The following GALK2 variants were observed in gnomAD, a reference collection of about 807,000 sequenced individuals.
GALK2 encodes N-acetylgalactosamine kinase.
In GALK2, 36 loss-of-function variants were observed where a neutral mutation model predicts 52.4. The ratio of observed to expected loss-of-function variants is 0.69; its 90% CI spans 0.53 to 0.91. GALK2 has a LOEUF of 0.91. Among genes scored for constraint, GALK2 ranks in the 40% least tolerant of loss-of-function variants. GALK2 has a pLI of 0.00. For synonymous variants in GALK2, 176 were observed against 199.1 expected (o/e 0.88, Z 0.98); for missense variants, 579 against 559.1 (o/e 1.04, Z -0.36).
At chr15:49,341,617 A>G (rs2040742793) in intron 3 of GALK2, among the ~76,000 whole-genome samples, 1 of 152,138 alleles carries the variant, frequency 6.6e-6, no homozygotes, top group Non-Finnish European at 1.5e-5. Flanking sequence ...CTCCCAAAGT[A>G]CTGGGATTAC....
chr15:49,287,499 TCTA>T (rs143405811), intron 7 of GALK2, among the ~76,000 whole-genome samples: 9,156 of 152,204 alleles, frequency 0.06, 545 homozygotes, highest in African/African-American at 0.15. Flanking sequence ...AGGCTGGAAT[TCTA>T]CTAAGCATAT....
At chr15:49,295,344 T>TATATAG (rs1555427388) in intron 8 of GALK2, among the ~76,000 whole-genome samples, 62 of 151,534 alleles carry the variant, frequency 4.1e-4, no homozygotes, top group African/African-American at 1.4e-3. Flanking sequence ...TATATATATA[T>TATATAG]ATAGATAGAT....
At chr15:49,159,203 T>C (rs1332215886) in intron 1 of GALK2, among the ~76,000 whole-genome samples, 1 of 152,244 alleles carries the variant, frequency 6.6e-6, no homozygotes, top group Non-Finnish European at 1.5e-5. Context: ...ATGCCATTAT[T>C]GTTATACATT....
At chr15:49,170,546 GCAAACA>G in intron 1 of GALK2, 171 bp downstream of exon 1, 1 of 621,544 alleles carries the variant, frequency 1.6e-6, no homozygotes, top group South Asian at 2.0e-5. Flanking sequence ...AGATCACGCC[GCAAACA>G]CATTCTACCT....
At chr15:49,163,594 A>T (rs1412616805) in intron 1 of GALK2, among the ~76,000 whole-genome samples, 1 of 152,224 alleles carries the variant, frequency 6.6e-6, no homozygotes, top group East Asian at 1.9e-4. Flanking sequence ...CGCTTTTTCA[A>T]TTGAGTTGTC....
chr15:49,176,381 G>A (rs764454850), intron 1 of GALK2, among the ~76,000 whole-genome samples: 2 of 152,146 alleles, frequency 1.3e-5, no homozygotes, highest in South Asian at 2.1e-4. Flanking sequence ...TAATCAGAGG[G>A]TATATTCATG....
intron 8 of GALK2, among the ~76,000 whole-genome samples, chr15:49,309,570 TGTCTTTGTGTTG>T (rs1374657032): frequency 6.6e-6 from 1 of 152,116 alleles, no homozygotes; most frequent in Non-Finnish European, 1.5e-5. Context: ...ACATTTAGCA[TGTCTTTGTGTTG>T]GGAACATTCA....
At chr15:49,263,724 T>C (rs1323715099) in intron 5 of GALK2, among the ~76,000 whole-genome samples, 1 of 127,600 alleles carries the variant, frequency 7.8e-6, no homozygotes, top group African/African-American at 3.2e-5. Flanking sequence ...TTCCTTTCCA[T>C]GTTTAGTGCT....
In GALK2 at chr15:49,204,103, CAA is replaced by C. The variant is rs373448754; in HGVS notation, c.142+2869_142+2870del. ...ACTGCACTCCAGCAGGATTCTGTCT[CAA>C]AAAAAAAAAAAAAAAGAAAATCAGT... On this transcript the variant is annotated intron_variant, in intron 2 of 9. Coordinates refer to ENST00000560031, the MANE Select transcript of GALK2 (RefSeq NM_002044.4). Among the ~76,000 whole-genome samples the C allele has an allele frequency of 1.5e-3, 154 of 103,532 alleles. 1 individual carries two copies. Among genetic ancestry groups the C allele is most frequent in the African/African-American group, 4.5e-3 (130 of 28,740 alleles). 67.9% of individuals were successfully genotyped at this position (103,532 alleles called of 152,430 possible).
In GALK2 at chr15:49,283,710, G is replaced by C. The variant is rs1238733416; in HGVS notation, c.748G>C (p.Ala250Pro). 2 of 1,613,746 alleles carry C rather than the reference G, an allele frequency of 1.2e-6. No homozygotes were observed. The highest frequency in any genetic ancestry group is 1.7e-6 in the Non-Finnish European group (2 of 1,179,844). ...FNIRVMECRL[A>P]AKLLAKYKSL... ...TATCAGGGTGATGGAGTGTCGGCTG[G>C]CTGCGAAGGTATGAACTTGGCAGGC... Residue 250 changes from alanine (A) to proline (P), a missense_variant, in exon 7 of 10, where the codon GCT becomes CCT. Ala to Pro is a conservative substitution (Grantham distance 27). Coordinates refer to ENST00000560031, the MANE Select transcript of GALK2 (RefSeq NM_002044.4).
intron 8 of GALK2, among the ~76,000 whole-genome samples, chr15:49,302,235 T>G (rs1302242674): frequency 6.6e-6 from 1 of 152,192 alleles, no homozygotes; most frequent in Non-Finnish European, 1.5e-5. Context: ...GATATCAGTA[T>G]TTTGACTTTG....
At chr15:49,334,196 C>G (rs2039299997), downstream of GALK2, 1 of 957,532 alleles carries the variant, frequency 1.0e-6, no homozygotes, top group Admixed American at 6.2e-5. Flanking sequence ...TTAAGCACTA[C>G]CAAGCTGAAT....
chr15:49,200,430 A>G (rs911336871), intron 1 of GALK2, among the ~76,000 whole-genome samples: 1 of 152,198 alleles, frequency 6.6e-6, no homozygotes, highest in African/African-American at 2.4e-5. Context: ...TTGGACTAGC[A>G]TCTTTGCAAA....
At chr15:49,206,447 C>T (rs924829442) in intron 2 of GALK2, among the ~76,000 whole-genome samples, 2 of 151,880 alleles carry the variant, frequency 1.3e-5, no homozygotes, top group African/African-American at 2.4e-5. Context: ...TTGATTCTAC[C>T]CATCCATGAG....
chr15:49,220,945 A>G (rs1460353394), intron 3 of GALK2, among the ~76,000 whole-genome samples: 3 of 152,160 alleles, frequency 2.0e-5, no homozygotes, highest in African/African-American at 4.8e-5. Flanking sequence ...AGTTTTTACT[A>G]TCGAGTGTTT....
At position 49,227,399 on chromosome 15, in the gene GALK2, C is replaced by CT. The variant is rs1391031371; in HGVS notation, c.267-8444dup. Among the ~76,000 whole-genome samples, 13 of 151,602 alleles carry CT rather than the reference C, an allele frequency of 8.6e-5. 1 individual carries two copies. In the South Asian group the frequency reaches 2.3e-3, roughly 27 times the overall value. On this transcript the variant is annotated intron_variant, in intron 3 of 9. Coordinates refer to ENST00000560031, the MANE Select transcript of GALK2 (RefSeq NM_002044.4). Reference sequence around the variant, plus strand: ...TAATACCCCTCTTTGTCTATTTTTACTTTTTTTTGACTTAAAGTCTATTTT... The same window carrying CT: ...TAATACCCCTCTTTGTCTATTTTTACTTTTTTTTTGACTTAAAGTCTATTTT...
At chr15:49,204,046 C>T (rs562054513) in intron 2 of GALK2, among the ~76,000 whole-genome samples, 1 of 146,226 alleles carries the variant, frequency 6.8e-6, no homozygotes, top group Non-Finnish European at 1.5e-5. Context: ...ATCTGGGAGG[C>T]GGAGGCTGCA....
chr15:49,313,933 A>G (rs181300645), intron 8 of GALK2, among the ~76,000 whole-genome samples: 3 of 152,356 alleles, frequency 2.0e-5, no homozygotes, highest in African/African-American at 7.2e-5. Context: ...TAGCCCTTGC[A>G]TGCATAGGTT....
intron 1 of GALK2, among the ~76,000 whole-genome samples, chr15:49,196,097 A>G (rs947743280): frequency 1.1e-4 from 17 of 152,030 alleles, no homozygotes; most frequent in African/African-American, 3.9e-4. Flanking sequence ...CTTTTTTCCT[A>G]AAACCGCAGG....
Sources: gnomAD v4.1 joint callset for allele counts (sites outside exome capture counted in the v4.1 genomes callset) on GRCh38, gnomAD v4.1.1 for gene constraint, MANE v1.5 for transcripts, NCBI Gene and HGNC (gene_info 2026-07-23, HGNC 2026-07-21) for gene names.